Variants in TECTA observed in about 807,000 individuals in gnomAD.
The protein encoded by TECTA is alpha-tectorin.
Under a neutral mutation model 216.8 loss-of-function variants are expected in TECTA, and 128 were observed. The observed-to-expected ratio is 0.59, with a 90% CI of 0.51 to 0.68. TECTA has a LOEUF of 0.68. Ranked by LOEUF, TECTA falls within the 30% of genes least tolerant of loss-of-function variation. TECTA has a pLI of 0.00. For missense variants in TECTA, 2,551 were observed against 2,786.2 expected, an observed-to-expected ratio of 0.92 and a Z score of 1.90; for synonymous variants, 1,089 against 1,117.1, an observed-to-expected ratio of 0.97 and a Z score of 0.50.
intron 23 of TECTA, 191 bp downstream of exon 23, chr11:121,190,071 C>CA (rs1474993001): frequency 9.5e-5 from 57 of 600,162 alleles, no homozygotes; most frequent in Middle Eastern, 4.5e-4. Context: ...CAAACAACAA[C>CA]AACAAAAAAA....
intron 13 of TECTA, among the ~76,000 whole-genome samples, chr11:121,153,925 AACAACT>A (rs1402906876): frequency 6.6e-6 from 1 of 152,158 alleles, no homozygotes; most frequent in African/African-American, 2.4e-5. Flanking sequence ...TTAGATGGTT[AACAACT>A]ACAGATAATT....
intron 18 of TECTA, among the ~76,000 whole-genome samples, chr11:121,167,675 G>A (rs1051290080): frequency 4.6e-5 from 7 of 152,286 alleles, no homozygotes; most frequent in Non-Finnish European, 8.8e-5. Flanking sequence ...TCTGGTGATG[G>A]ATTTGGTGGA....
intron 14 of TECTA, among the ~76,000 whole-genome samples, chr11:121,159,359 A>C (rs1946975747): frequency 6.6e-6 from 1 of 152,236 alleles, no homozygotes; most frequent in Non-Finnish European, 1.5e-5. Flanking sequence ...CAAGAGAGCA[A>C]AACTGACATT....
intron 20 of TECTA, among the ~76,000 whole-genome samples, chr11:121,182,111 G>T (rs1476948015): frequency 6.6e-6 from 1 of 152,210 alleles, no homozygotes; most frequent in Non-Finnish European, 1.5e-5. Context: ...GGGTACCAGT[G>T]GTGGTGATAG....
At chr11:121,171,181 G>C (rs1225562346) in intron 20 of TECTA, among the ~76,000 whole-genome samples, 1 of 152,134 alleles carries the variant, frequency 6.6e-6, no homozygotes, top group African/African-American at 2.4e-5. Flanking sequence ...TTTTTGAAGA[G>C]AGCATCCTTT....
chr11:121,143,072 T>C (rs917623527), intron 11 of TECTA, among the ~76,000 whole-genome samples: 1 of 152,278 alleles, frequency 6.6e-6, no homozygotes, highest in Non-Finnish European at 1.5e-5. Context: ...TATTTGCTTC[T>C]GCAACCCAAA....
At chr11:121,148,211 C>G (rs1946858058) in intron 12 of TECTA, among the ~76,000 whole-genome samples, 1 of 152,132 alleles carries the variant, frequency 6.6e-6, no homozygotes, top group Non-Finnish European at 1.5e-5. Context: ...TATCCCTTGA[C>G]TTCTACCAGC....
Position 121,168,841 on chromosome 11 carries a change from A to T in TECTA, c.5915A>T (p.His1972Leu). Reference protein sequence around the residue: ...GVFVVGADATHLILTLNKCYA... With the variant: ...GVFVVGADATLLILTLNKCYA... ...TTTGTGGTTGGAGCTGACGCCACAC[A>T]TTTAATCCTAACACTCAACAAATGC... Residue 1972 changes from histidine (H) to leucine (L), a missense_variant, in exon 20 of 24, where the codon CAT becomes CTT. By Grantham distance (99) the His-to-Leu change is moderately conservative (BLOSUM62 -3). Around this residue, in one of 3 missense-constraint regions of TECTA, gnomAD observed 2,375 missense variants for 2,563.9 expected, o/e 0.93. Transcript: ENST00000392793. 6.2e-7 allele frequency: 1 copy of T among 1,614,184 alleles called. No individual in the cohort carries two copies. Among genetic ancestry groups the T allele is most frequent in the Non-Finnish European group, 8.5e-7 (1 of 1,180,032 alleles).
intron 20 of TECTA, among the ~76,000 whole-genome samples, chr11:121,173,777 G>T (rs1426075939): frequency 5.9e-5 from 9 of 152,008 alleles, no homozygotes; most frequent in Admixed American, 5.9e-4. Flanking sequence ...AAATTACCTT[G>T]GGCAGCATGG....
At chr11:121,175,225 C>T (rs925669503) in intron 20 of TECTA, among the ~76,000 whole-genome samples, 78 of 151,396 alleles carry the variant, frequency 5.2e-4, no homozygotes, top group African/African-American at 1.6e-3. Flanking sequence ...TATTTCTTGC[C>T]TTCTGCTAGC....
intron 10 of TECTA, among the ~76,000 whole-genome samples, chr11:121,137,165 C>G (rs949182068): frequency 6.6e-6 from 1 of 152,166 alleles, no homozygotes; most frequent in Non-Finnish European, 1.5e-5. Context: ...CACTCGCATG[C>G]ACAGATGTGT....
chr11:121,154,143 T>C (rs1344419261), intron 13 of TECTA, among the ~76,000 whole-genome samples: 1 of 152,178 alleles, frequency 6.6e-6, no homozygotes, highest in Non-Finnish European at 1.5e-5. Context: ...TGAAAAAGAA[T>C]AGTAGCTTTA....
At chr11:121,151,317 G>C (rs1401168017) in intron 12 of TECTA, among the ~76,000 whole-genome samples, 7 of 152,142 alleles carry the variant, frequency 4.6e-5, no homozygotes, top group Non-Finnish European at 8.8e-5. Context: ...TTCCACAGAT[G>C]CCCTTACTCA....
At chr11:121,187,412 C>T (rs1256515695) in intron 20 of TECTA, among the ~76,000 whole-genome samples, 1 of 152,184 alleles carries the variant, frequency 6.6e-6, no homozygotes, top group Non-Finnish European at 1.5e-5. Flanking sequence ...GTATTCCCAA[C>T]AGGGTTTGAG....
intron 3 of TECTA, among the ~76,000 whole-genome samples, chr11:121,108,367 T>G (rs914394205): frequency 4.0e-4 from 57 of 142,110 alleles, no homozygotes; most frequent in African/African-American, 2.7e-4. Context: ...TACACACACA[T>G]GTACACACCA....
At chr11:121,121,398 C>A (rs1469394024) in intron 7 of TECTA, among the ~76,000 whole-genome samples, 1 of 152,188 alleles carries the variant, frequency 6.6e-6, no homozygotes, top group Non-Finnish European at 1.5e-5. Flanking sequence ...AGAAGAAAAG[C>A]AAGCAAACAG....
At chr11:121,190,461 C>A (rs1947330401) in intron 23 of TECTA, among the ~76,000 whole-genome samples, 1 of 152,176 alleles carries the variant, frequency 6.6e-6, no homozygotes, top group Non-Finnish European at 1.5e-5. Context: ...GATGGGGTTT[C>A]ACCATATTGG....
At chr11:121,187,715 G>A (rs1947301197) in intron 20 of TECTA, 117 bp from the exon 21 acceptor site, 1 of 1,115,850 alleles carries the variant, frequency 9.0e-7, no homozygotes, top group Admixed American at 1.8e-5. Flanking sequence ...AAATGTAAAG[G>A]CATTTCTGCC....
chr11:121,143,767 G>T (rs1016957756), intron 11 of TECTA, among the ~76,000 whole-genome samples: 1 of 152,206 alleles, frequency 6.6e-6, no homozygotes, highest in South Asian at 2.1e-4. Flanking sequence ...GGGGTCAAGG[G>T]CATCCCTGTT....
Sources: gnomAD v4.1 joint callset for allele counts (sites outside exome capture counted in the v4.1 genomes callset) on GRCh38, gnomAD v4.1.1 for gene constraint, gnomAD v4.1.1 regional missense constraint, MANE v1.5 for transcripts, NCBI Gene and HGNC (gene_info 2026-07-23, HGNC 2026-07-21) for gene names.